The following DDX6 variants were observed in gnomAD, a reference collection of about 807,000 sequenced individuals.
The protein encoded by DDX6 is DEAD-box helicase 6.
DDX6 carries 7 observed loss-of-function variants against 60.6 expected under a neutral mutation model. That is an observed-to-expected ratio of 0.12 (90% CI 0.07 to 0.22). The LOEUF (loss-of-function observed/expected upper bound fraction) is 0.22. Ranked by LOEUF, DDX6 falls within the 10% of genes least tolerant of loss-of-function variation. DDX6 has a pLI of 1.00. For missense variants in DDX6, 270 were observed against 589.9 expected (o/e 0.46, Z 5.62); for synonymous variants, 207 against 201.0 (o/e 1.03, Z -0.25).
chr11:118,753,973 G>A (rs909143339), intron 13 of DDX6, among the ~76,000 whole-genome samples: 11 of 152,106 alleles, frequency 7.2e-5, no homozygotes, highest in African/African-American at 2.2e-4. Flanking sequence ...GAGCATGCCT[G>A]TAATTCCAGC....
intron 4 of DDX6, among the ~76,000 whole-genome samples, chr11:118,773,157 T>C (rs782573806): frequency 6.6e-6 from 1 of 152,314 alleles, no homozygotes; most frequent in African/African-American, 2.4e-5. Flanking sequence ...CTCCTAGCAT[T>C]GAGAGGCATT....
chr11:118,775,539 TAAA>T (rs1231768898), intron 4 of DDX6, among the ~76,000 whole-genome samples: 1 of 149,816 alleles, frequency 6.7e-6, no homozygotes, highest in Non-Finnish European at 1.5e-5. Context: ...AAAAAGGCAA[TAAA>T]AAAAAAGAAA....
Position 118,754,737 on chromosome 11 carries a change from T to C in DDX6, c.1427A>G (p.Glu476Gly), listed in dbSNP as rs191902541. The stretch of plus-strand genomic sequence containing the variant: ...TTAAGGTTTCTCATCTTCTACAGGC[T>C]CGCTGTGGTATTCTGCCACATACAG... ...KSLYVAEYHS[E>G]PVEDEKP The change falls in exon 13 of 14, where the codon GAG becomes GGG. Residue 476 changes from glutamate (E) to glycine (G), a missense_variant. By Grantham distance (98) the Glu-to-Gly change is moderately conservative. Coordinates refer to ENST00000534980, the MANE Select transcript of DDX6 (RefSeq NM_004397.6). 936 of 1,612,116 alleles carry C rather than the reference T, an allele frequency of 5.8e-4. No individual in the cohort carries two copies. Among genetic ancestry groups the C allele is most frequent in the Non-Finnish European group, 7.1e-4 (843 of 1,179,436 alleles).
rs1265605297 is a variant in DDX6 at position 118,765,354 on chromosome 11, T to A, written c.501A>T (p.Ala167=). The A allele has an allele frequency of 2.5e-6, 4 of 1,613,830 alleles. No individual in the cohort carries two copies. The Admixed American group carries it at 6.7e-5, about 27-fold the overall frequency. ...RLDLKKDNIQ[A]MVIVPTRELA... ...GTTCTCTAGTGGGAACAATCACCAT[T>A]GCTGAAACAGTATCAAGGAATATAT... is the stretch of plus-strand genomic sequence containing the variant. Residue 167 remains alanine (A), a splice_region_variant and synonymous_variant, in exon 6 of 14, where the codon GCA becomes GCT. Coordinates refer to ENST00000534980, the MANE Select transcript of DDX6 (RefSeq NM_004397.6).
rs574581959 is a variant in DDX6, at chr11:118,755,558, C to A, written c.1175-55G>T. The A allele has an allele frequency of 1.2e-5, 11 of 941,316 alleles. No homozygotes were observed. The South Asian group carries it at 1.4e-4, about 12-fold the overall frequency. The allele number at this position is 941,316 out of a possible 1,614,324, so 58.3% of individuals were successfully genotyped here. On this transcript the variant is annotated intron_variant, in intron 11 of 13. Coordinates refer to ENST00000534980, the MANE Select transcript of DDX6 (RefSeq NM_004397.6). ...TTCAATTTAGAAATGTCTCTCAGTA[C>A]AATACTAACACATATTTCTAGCATA...
intron 8 of DDX6, 123 bp from the exon 9 acceptor site, chr11:118,759,025 C>T: frequency 1.6e-6 from 2 of 1,274,468 alleles, no homozygotes; most frequent in Admixed American, 4.6e-5. Context: ...ACGCAACTCT[C>T]TTCAAAACAA....
chr11:118,770,414 AAAAC>A (rs554953390), intron 4 of DDX6, among the ~76,000 whole-genome samples: 112 of 152,314 alleles, frequency 7.4e-4, no homozygotes, highest in Middle Eastern at 3.4e-3. Context: ...GCTAACGACA[AAAAC>A]AAACAAACAA....
At chr11:118,752,448 A>G (rs1555157674) in intron 13 of DDX6, among the ~76,000 whole-genome samples, 1 of 152,208 alleles carries the variant, frequency 6.6e-6, no homozygotes, top group African/African-American at 2.4e-5. Flanking sequence ...ACTTAAGGAA[A>G]AAAAGAGTAC....
rs1860786387 is a variant in DDX6, at chr11:118,751,912, GAAC to G, written c.*190_*192del. 1 of 427,360 alleles carries G rather than the reference GAAC, an allele frequency of 2.3e-6. No homozygotes were observed. Among genetic ancestry groups the G allele is most frequent in the Non-Finnish European group, 4.6e-6 (1 of 215,556 alleles). 26.5% of individuals were successfully genotyped at this position (427,360 alleles called of 1,614,324 possible). ...AGTCAGCACACAGTGCAAACAAGTG[GAAC>G]AAAAAAGGTATATTCCTTCTTTTCA... On this transcript the variant is annotated 3_prime_UTR_variant, in exon 14 of 14. Coordinates refer to ENST00000534980, the MANE Select transcript of DDX6 (RefSeq NM_004397.6).
chr11:118,784,318 T>C (rs546847410), intron 2 of DDX6, among the ~76,000 whole-genome samples: 2 of 152,228 alleles, frequency 1.3e-5, no homozygotes, highest in Admixed American at 1.3e-4. Context: ...ACGGTAACTA[T>C]ATGACAGTCT....
chr11:118,762,589 C>T (rs1251882216), intron 7 of DDX6, among the ~76,000 whole-genome samples: 1 of 152,124 alleles, frequency 6.6e-6, no homozygotes, highest in Non-Finnish European at 1.5e-5. Flanking sequence ...CAGTTTGCTG[C>T]TGATGCCCAG....
At chr11:118,764,402 T>G (rs1861278606) in intron 6 of DDX6, among the ~76,000 whole-genome samples, 1 of 152,128 alleles carries the variant, frequency 6.6e-6, no homozygotes, top group Non-Finnish European at 1.5e-5. Context: ...GCCAATCTCC[T>G]TCTAAGTTGG....
chr11:118,762,010 C>A (rs782801291), intron 7 of DDX6, among the ~76,000 whole-genome samples: 3 of 152,104 alleles, frequency 2.0e-5, no homozygotes, highest in Non-Finnish European at 2.9e-5. Flanking sequence ...CGTGGTGGCT[C>A]ATGCCTGTAA....
chr11:118,774,369 T>C (rs1861630748), intron 4 of DDX6, among the ~76,000 whole-genome samples: 1 of 152,062 alleles, frequency 6.6e-6, no homozygotes, highest in Non-Finnish European at 1.5e-5. Flanking sequence ...TAGAAATACG[T>C]TGTGGGAGCA....
At position 118,786,275 on chromosome 11, in the gene DDX6, T is replaced by G. The variant is rs891539613; in HGVS notation, c.-24A>C. On this transcript the variant is annotated 5_prime_UTR_variant, in exon 2 of 14. Coordinates refer to ENST00000534980, the MANE Select transcript of DDX6 (RefSeq NM_004397.6). ...ATGCTGTTTTAATTGCAAAGGTCTT[T>G]CAAACTTCAAAACTTTTGAAAGTCA... is the stretch of plus-strand genomic sequence containing the variant. The G allele has an allele frequency of 4.4e-6, 7 of 1,574,120 alleles. No individual in the cohort carries two copies. The highest frequency in any genetic ancestry group is 6.0e-6 in the Non-Finnish European group (7 of 1,159,874).
At chr11:118,771,589 G>C (rs966808880) in intron 4 of DDX6, among the ~76,000 whole-genome samples, 1 of 152,222 alleles carries the variant, frequency 6.6e-6, no homozygotes, top group Admixed American at 6.5e-5. Context: ...TGAAATACAA[G>C]AGGAAATTAT....
intron 5 of DDX6, among the ~76,000 whole-genome samples, chr11:118,765,900 A>G (rs978131815): frequency 6.6e-6 from 1 of 151,812 alleles, no homozygotes; most frequent in Admixed American, 6.6e-5. Context: ...GCCTGACCCT[A>G]TCTCTACTAA....
chr11:118,765,068 G>A (rs575475568), intron 6 of DDX6, 141 bp downstream of exon 6: 3 of 915,982 alleles, frequency 3.3e-6, no homozygotes, highest in East Asian at 2.5e-5. Flanking sequence ...TGTCTTTTTC[G>A]CTTGAATGCA....
chr11:118,759,043 G>C, intron 8 of DDX6, 141 bp from the exon 9 acceptor site: 5 of 1,130,522 alleles, frequency 4.4e-6, no homozygotes, highest in Non-Finnish European at 6.1e-6. Flanking sequence ...CAAAATATAT[G>C]ATCTGTCATT....
Sources: allele counts gnomAD v4.1 joint callset (sites outside exome capture counted in the v4.1 genomes callset), GRCh38; gene constraint gnomAD v4.1.1; transcripts MANE v1.5; gene names NCBI Gene and HGNC (gene_info 2026-07-23, HGNC 2026-07-21).